Variants in PBDC1 observed in about 807,000 individuals in gnomAD.
The protein encoded by PBDC1 is polysaccharide biosynthesis domain containing 1, also known as protein PBDC1.
PBDC1 carries 3 observed loss-of-function variants against 12.0 expected under a neutral mutation model. The ratio of observed to expected loss-of-function variants is 0.25; its 90% confidence interval spans 0.11 to 0.64. The LOEUF is 0.64. Ranked by LOEUF, PBDC1 falls within the 30% of genes least tolerant of loss-of-function variation. The pLI is 0.84. For synonymous variants in PBDC1, 64 were observed against 56.4 expected (o/e 1.13, Z -0.60); for missense variants, 162 against 168.1 (o/e 0.96, Z 0.20).
rs1170473850 is a variant in PBDC1, at chrX:76,174,988, T to G, written c.156+39T>G. 4.1e-6 allele frequency: 4 copies of G among 986,078 alleles called. No homozygotes were observed. The African/African-American group carries it at 7.5e-5, about 19-fold the overall frequency. 81.3% of individuals were successfully genotyped at this position (986,078 alleles called of 1,213,427 possible). The stretch of plus-strand genomic sequence containing the variant: ...CTTCATCATTAAGCAGAATTAAACA[T>G]GTAATTATAGTGTATGATGCTCTGC... On this transcript the variant is annotated intron_variant, in intron 3 of 5. Transcript: ENST00000373358.
chrX:76,173,201 G>A, intron 1 of PBDC1, 33 bp downstream of exon 1: 3 of 1,134,358 alleles, frequency 2.6e-6, no homozygotes, highest in Non-Finnish European at 3.5e-6. Context: ...GGTGAGTGGG[G>A]AGGTCGAGCC....
intron 3 of PBDC1, among the ~76,000 whole-genome samples, chrX:76,175,191 G>A (rs1924760503): frequency 8.9e-6 from 1 of 112,631 alleles, no homozygotes; most frequent in African/African-American, 3.2e-5. Context: ...ATACATAGTA[G>A]GCACTTAATA....
intron 3 of PBDC1, 78 bp from the exon 4 acceptor site, chrX:76,175,395 T>A: frequency 1.0e-6 from 1 of 976,153 alleles, no homozygotes; most frequent in Non-Finnish European, 1.5e-6. Context: ...ACCATAAAGG[T>A]TTTCTGGTGG....
rs1248639100 is a variant in PBDC1 at position 76,178,210 on chromosome X, G to C, written c.*302G>C. 2 of 325,249 alleles carry C rather than the reference G, an allele frequency of 6.1e-6. No individual in the cohort carries two copies. Among genetic ancestry groups the C allele is most frequent in the African/African-American group, 2.7e-5 (1 of 36,875 alleles). The allele number at this position is 325,249 out of a possible 1,213,427, so 26.8% of individuals were successfully genotyped here. On this transcript the variant is annotated 3_prime_UTR_variant, in exon 6 of 6. Coordinates refer to ENST00000373358, the MANE Select transcript of PBDC1 (RefSeq NM_016500.5). ...CTTTTGGTTCTTATTATCTATATCT[G>C]TGACTGACTTTAAAAAGGTATTTGA...
rs200305612 is a variant in PBDC1, at chrX:76,177,941, A to G, written c.*33A>G. ...AGGGAACAGCACTCTAGAAGCTATG[A>G]CTCAATTGAGACTACAAGTACCACG... On this transcript the variant is annotated 3_prime_UTR_variant, in exon 6 of 6. Coordinates refer to ENST00000373358, the MANE Select transcript of PBDC1 (RefSeq NM_016500.5). 361 of 1,200,555 alleles carry G rather than the reference A, an allele frequency of 3.0e-4. No homozygotes were observed. Among genetic ancestry groups the G allele is most frequent in the Non-Finnish European group, 3.9e-4 (347 of 891,016 alleles).
In PBDC1 at chrX:76,178,096, GA is replaced by G; in HGVS notation, c.*189del. 1 of 730,969 alleles carries G rather than the reference GA, an allele frequency of 1.4e-6. No homozygotes were observed. The highest frequency in any genetic ancestry group is 3.9e-5 in the South Asian group (1 of 25,961). 60.2% of individuals were successfully genotyped at this position (730,969 alleles called of 1,213,427 possible). ...ATTCCCTTGTATGAACTGGTCTAAA[GA>G]CTGTTAGTGGGGTGTTAGTTGATTT... On this transcript the variant is annotated 3_prime_UTR_variant, in exon 6 of 6. Transcript: ENST00000373358.
intron 4 of PBDC1, among the ~76,000 whole-genome samples, chrX:76,176,158 G>GT (rs1556796916): frequency 4.0e-4 from 17 of 42,934 alleles, no homozygotes; most frequent in South Asian, 9.3e-4. Context: ...TTTGTTTTTT[G>GT]GTTTTTTTTT....
rs781796632 is a variant in PBDC1, at chrX:76,176,890, C to T, written c.307C>T (p.Pro103Ser). The change falls in exon 5 of 6, where the codon CCA becomes TCA. Residue 103 changes from proline to serine, a missense_variant. Around this residue, in one of 3 missense-constraint regions of PBDC1, gnomAD observed 100 missense variants for 96.2 expected, o/e 1.04. Transcript: ENST00000373358. ...GTTTTTGCCTTTATAGAAGTGGAGGCCATTCTGCTTGAAGTTTAATGGGAT... is the reference window on the plus strand; with the variant it reads ...GTTTTTGCCTTTATAGAAGTGGAGGTCATTCTGCTTGAAGTTTAATGGGAT... Reference protein sequence around the residue: ...KSESAKEKWRPFCLKFNGIVE... With the variant: ...KSESAKEKWRSFCLKFNGIVE... The T allele has an allele frequency of 2.5e-6, 3 of 1,196,562 alleles. No homozygotes were observed. The highest frequency in any genetic ancestry group is 3.4e-6 in the Non-Finnish European group (3 of 882,920).
Position 76,173,613 on chromosome X carries a change from A to G in PBDC1, c.59A>G (p.His20Arg), listed in dbSNP as rs1450375621. Residue 20 changes from histidine (H) to arginine (R), a missense_variant, in exon 2 of 6, where the codon CAT becomes CGT. Physicochemically the swap from His to Arg is conservative, Grantham distance 29. Around this residue, in one of 3 missense-constraint regions of PBDC1, gnomAD observed 41 missense variants for 28.5 expected, o/e 1.44. Transcript: ENST00000373358. ...PVSGELVSVA[H>R]ALSLPAESYG... is the part of the protein sequence containing the mutation. The stretch of plus-strand genomic sequence containing the variant: ...TCCGGGGAGTTGGTGTCTGTGGCAC[A>G]TGCGCTTTCTCTCCCAGCAGAGTCG... The G allele has an allele frequency of 2.5e-6, 3 of 1,195,729 alleles. No homozygotes were observed. In the African/African-American group the frequency reaches 5.3e-5, roughly 21 times the overall value.
intron 2 of PBDC1, among the ~76,000 whole-genome samples, chrX:76,174,642 C>A (rs1924743635): frequency 8.9e-6 from 1 of 112,375 alleles, no homozygotes; most frequent in South Asian, 3.7e-4. Context: ...CCAGCTTTCA[C>A]TAGCAGCTGG....
Position 76,177,901 on chromosome X carries a change from C to A in PBDC1, c.695C>A (p.Ala232Asp). The A allele has an allele frequency of 8.3e-7, 1 of 1,210,651 alleles. No individual in the cohort carries two copies. Among genetic ancestry groups the A allele is most frequent in the Non-Finnish European group, 1.1e-6 (1 of 894,814 alleles). ...GAAATCAACAAAAGTGGTGAAAAAG[C>A]TATGTAAGGTATACAGGGAACAGCA... The part of the protein sequence containing the change: ...DKEINKSGEK[A>D]M The change falls in exon 6 of 6, where the codon GCT (alanine) becomes GAT (aspartate). Residue 232 changes from alanine (A) to aspartate (D), a missense_variant. Ala to Asp is a moderately radical substitution (Grantham distance 126). This residue lies in a region of PBDC1 where 100 missense variants were observed against 96.2 expected (regional missense o/e 1.04). Transcript: ENST00000373358.
At chrX:76,173,766 A>G in intron 2 of PBDC1, 116 bp downstream of exon 2, 1 of 384,781 alleles carries the variant, frequency 2.6e-6, no homozygotes, top group Non-Finnish European at 4.2e-6. Context: ...GACCCTCTCC[A>G]CTTACACCAG....
chrX:76,175,627 T>G lies in PBDC1; in HGVS notation c.297+14T>G. ...TCAGCCAAAGAGGTAAAAATTCTCT[T>G]TCTTAAATATTACTTAGCATTTAAC... is the stretch of plus-strand genomic sequence containing the variant. On this transcript the variant is annotated intron_variant, in intron 4 of 5. Coordinates refer to ENST00000373358, the MANE Select transcript of PBDC1 (RefSeq NM_016500.5). The G allele has an allele frequency of 2.6e-6, 3 of 1,143,500 alleles. No individual in the cohort carries two copies. The highest frequency in any genetic ancestry group is 3.5e-6 in the Non-Finnish European group (3 of 851,458). The allele number at this position is 1,143,500 out of a possible 1,213,427, so 94.2% of individuals were successfully genotyped here.
At chrX:76,174,336 C>G (rs1924734769) in intron 2 of PBDC1, among the ~76,000 whole-genome samples, 1 of 111,337 alleles carries the variant, frequency 9.0e-6, no homozygotes, top group Non-Finnish European at 1.9e-5. Context: ...ATAGCTCGGT[C>G]TCGTTGGAAT....
chrX:76,174,674 T>C (rs1267619666), intron 2 of PBDC1, among the ~76,000 whole-genome samples: 3 of 112,238 alleles, frequency 2.7e-5, no homozygotes, highest in Non-Finnish European at 5.6e-5. Flanking sequence ...CGGTGGCTCA[T>C]TGTGTTCATT....
chrX:76,175,423 G>A (rs1556796832), intron 3 of PBDC1, 50 bp from the exon 4 acceptor site: 28 of 1,144,309 alleles, frequency 2.4e-5, no homozygotes, highest in Non-Finnish European at 3.0e-5. Flanking sequence ...GAAGATAGAA[G>A]TATAGTAAAT....
At chrX:76,176,835 C>G (rs781966726) in intron 4 of PBDC1, 46 bp from the exon 5 acceptor site, 5 of 866,993 alleles carry the variant, frequency 5.8e-6, no homozygotes, top group Non-Finnish European at 8.6e-6. Flanking sequence ...CTTAGTACGT[C>G]AGCCTCTTGC....
chrX:76,175,897 G>T (rs1457615693), intron 4 of PBDC1, among the ~76,000 whole-genome samples: 1 of 111,085 alleles, frequency 9.0e-6, no homozygotes, highest in Non-Finnish European at 1.9e-5. Flanking sequence ...AGGTAGTATA[G>T]CCAGAAGGCT....
intron 2 of PBDC1, 71 bp from the exon 3 acceptor site, chrX:76,174,819 T>C: frequency 1.1e-6 from 1 of 876,660 alleles, no homozygotes; most frequent in Non-Finnish European, 1.7e-6. Context: ...GACATCCACA[T>C]ACTTCCTTAA....
Sources: gnomAD v4.1 joint callset for allele counts (sites outside exome capture counted in the v4.1 genomes callset) on GRCh38, gnomAD v4.1.1 for gene constraint, gnomAD v4.1.1 regional missense constraint, MANE v1.5 for transcripts, NCBI Gene and HGNC (gene_info 2026-07-23, HGNC 2026-07-21) for gene names.